The following GFRA1 variants were observed in gnomAD, a reference collection of about 807,000 sequenced individuals.
GFRA1 encodes the protein GDNF family receptor alpha-1.
GFRA1 carries 16 observed loss-of-function variants against 51.6 expected under a neutral mutation model. The ratio of observed to expected loss-of-function variants is 0.31; its 90% CI spans 0.21 to 0.47. The LOEUF is 0.47. GFRA1 is among the 20% of genes least tolerant of loss of function. The pLI is 1.00. For missense variants in GFRA1, 530 were observed against 594.3 expected, an observed-to-expected ratio of 0.89 and a Z score of 1.13; for synonymous variants, 270 against 241.3, an observed-to-expected ratio of 1.12 and a Z score of -1.10.
intron 10 of GFRA1, 21 bp from the exon 11 acceptor site, chr10:116,064,565 A>G: frequency 2.5e-6 from 4 of 1,604,110 alleles, no homozygotes; most frequent in Non-Finnish European, 3.4e-6. Context: ...GAATGGTTTC[A>G]TTATCATCCA....
At chr10:116,070,202 T>C (rs149736536) in intron 9 of GFRA1, among the ~76,000 whole-genome samples, 4 of 152,320 alleles carry the variant, frequency 2.6e-5, no homozygotes, top group Non-Finnish European at 4.4e-5. Context: ...AGATTTGCTA[T>C]ATTAGGAACC....
intron 9 of GFRA1, among the ~76,000 whole-genome samples, chr10:116,082,495 G>A (rs1754822931): frequency 6.6e-6 from 1 of 150,954 alleles, no homozygotes; most frequent in Admixed American, 6.6e-5. Flanking sequence ...TTTTTGAGAC[G>A]GACTTTTGCT....
At chr10:116,078,093 G>T (rs879656750) in intron 9 of GFRA1, among the ~76,000 whole-genome samples, 2 of 152,144 alleles carry the variant, frequency 1.3e-5, no homozygotes, top group African/African-American at 4.8e-5. Flanking sequence ...TGGCCCCCAA[G>T]ATTAAATTCC....
chr10:116,205,578 A>T (rs1454784346), intron 5 of GFRA1, among the ~76,000 whole-genome samples: 1 of 139,346 alleles, frequency 7.2e-6, no homozygotes, highest in Non-Finnish European at 1.5e-5. Flanking sequence ...CATCTCAAAA[A>T]AGAAAGGAAA....
chr10:116,179,161 G>A (rs1426429469), intron 5 of GFRA1, among the ~76,000 whole-genome samples: 2 of 152,160 alleles, frequency 1.3e-5, no homozygotes, highest in African/African-American at 4.8e-5. Context: ...GCACCAAATG[G>A]CTACATCTCT....
At chr10:116,073,742 T>G (rs1297870030) in intron 9 of GFRA1, among the ~76,000 whole-genome samples, 1 of 152,184 alleles carries the variant, frequency 6.6e-6, no homozygotes, top group Non-Finnish European at 1.5e-5. Flanking sequence ...CAGACATGCA[T>G]CCTCATCACC....
chr10:116,100,967 G>C (rs1013976198), intron 6 of GFRA1, among the ~76,000 whole-genome samples: 1 of 152,204 alleles, frequency 6.6e-6, no homozygotes. Flanking sequence ...AAAGATGGGG[G>C]AGGACAGGTT....
At chr10:116,073,086 A>C (rs1029765163) in intron 9 of GFRA1, among the ~76,000 whole-genome samples, 2 of 152,224 alleles carry the variant, frequency 1.3e-5, no homozygotes, top group Non-Finnish European at 2.9e-5. Context: ...AGATTCAAAA[A>C]TGAATGCAAT....
chr10:116,263,806 C>T, intron 4 of GFRA1, among the ~76,000 whole-genome samples: 1 of 152,158 alleles, frequency 6.6e-6, no homozygotes, highest in East Asian at 1.9e-4. Context: ...CAGTTACATC[C>T]ATGATGTGGA....
chr10:116,149,793 A>T (rs373983580), intron 5 of GFRA1, among the ~76,000 whole-genome samples: 2 of 152,160 alleles, frequency 1.3e-5, no homozygotes, highest in East Asian at 1.9e-4. Flanking sequence ...GCTGGGTAGG[A>T]TATGAGTGTG....
rs548653150 is a variant in GFRA1, at chr10:116,265,482, C to T, written c.418+4021G>A. On this transcript the variant is annotated intron_variant, in intron 4 of 10. Coordinates refer to ENST00000355422, the MANE Select transcript of GFRA1 (RefSeq NM_005264.8). ...CCCCATCCTCAGGCTTTTCTTAGCA[C>T]TCACTGTATTTTCAAAATTTCTCAC... Among the ~76,000 whole-genome samples the T allele has an allele frequency of 1.9e-3, 282 of 152,290 alleles. 1 individual carries two copies. The highest frequency in any genetic ancestry group is 6.8e-3 in the Middle Eastern group (2 of 294).
chr10:116,267,003 T>A (rs1428965950), intron 4 of GFRA1, among the ~76,000 whole-genome samples: 7 of 152,102 alleles, frequency 4.6e-5, no homozygotes, highest in Admixed American at 3.3e-4. Flanking sequence ...TGCTAGCCGG[T>A]GTAGTGGCAC....
intron 5 of GFRA1, among the ~76,000 whole-genome samples, chr10:116,131,961 C>T (rs1958123146): frequency 6.7e-6 from 1 of 148,902 alleles, no homozygotes; most frequent in Admixed American, 6.7e-5. Flanking sequence ...AATCCCAGCA[C>T]TTTGGGAGGC....
chr10:116,271,434 C>A (rs1424972179), intron 2 of GFRA1, among the ~76,000 whole-genome samples: 7 of 152,062 alleles, frequency 4.6e-5, no homozygotes, highest in Non-Finnish European at 1.0e-4. Flanking sequence ...GCCTGAGCAA[C>A]GACCCGGGCT....
At chr10:116,066,095 C>A (rs995384397) in intron 9 of GFRA1, among the ~76,000 whole-genome samples, 9 of 152,172 alleles carry the variant, frequency 5.9e-5, no homozygotes, top group African/African-American at 1.9e-4. Flanking sequence ...TAAACATCTG[C>A]ATTTATTAGT....
chr10:116,064,347 T>A lies in GFRA1; in HGVS notation c.*51A>T, dbSNP rs74158547. ...GCTATACAAGAGAACAGGAAACAGATAACTTGGTTTTTGTCTTTTTACATG... is the reference window on the plus strand; with the variant it reads ...GCTATACAAGAGAACAGGAAACAGAAAACTTGGTTTTTGTCTTTTTACATG... On this transcript the variant is annotated 3_prime_UTR_variant, in exon 11 of 11. Transcript: ENST00000355422. The A allele has an allele frequency of 3.3e-3, 4,942 of 1,516,592 alleles. 136 individuals carry two copies. The African/African-American group carries it at 0.054, about 17-fold the overall frequency. The allele number at this position is 1,516,592 out of a possible 1,614,324, so 93.9% of individuals were successfully genotyped here.
intron 5 of GFRA1, among the ~76,000 whole-genome samples, chr10:116,186,010 T>G (rs1047094883): frequency 7.2e-5 from 11 of 152,174 alleles, no homozygotes; most frequent in Admixed American, 3.3e-4. Context: ...TTATTATTTT[T>G]GGGAGGTAGG....
chr10:116,257,562 T>A (rs1184105431), intron 4 of GFRA1, among the ~76,000 whole-genome samples: 1 of 152,158 alleles, frequency 6.6e-6, no homozygotes, highest in East Asian at 1.9e-4. Flanking sequence ...TTTTTTGTTT[T>A]CCCAGAAGGT....
At chr10:116,072,984 G>A (rs1357240305) in intron 9 of GFRA1, among the ~76,000 whole-genome samples, 2 of 152,028 alleles carry the variant, frequency 1.3e-5, no homozygotes, top group Admixed American at 6.6e-5. Context: ...TTCTTTGATC[G>A]AGGCAAAAGT....
Sources: allele counts gnomAD v4.1 joint callset (sites outside exome capture counted in the v4.1 genomes callset), GRCh38; gene constraint gnomAD v4.1.1; transcripts MANE v1.5; gene names NCBI Gene and HGNC (gene_info 2026-07-23, HGNC 2026-07-21).